COX6B2: variants seen among roughly 807,000 people sequenced by gnomAD.
COX6B2 encodes COX VIb-2.
Under a neutral mutation model 13.7 loss-of-function variants are expected in COX6B2, and 12 were observed. That is an observed-to-expected ratio of 0.87 (90% CI 0.56 to 1.41). COX6B2 has a LOEUF of 1.41. Among genes scored for constraint, COX6B2 ranks in the 40% most tolerant of loss-of-function variants. COX6B2 has a pLI of 0.00. For synonymous variants in COX6B2, 56 were observed against 46.6 expected, an observed-to-expected ratio of 1.20 and a Z score of -0.82; for missense variants, 130 against 118.3, an observed-to-expected ratio of 1.10 and a Z score of -0.46.
Position 55,353,655 on chromosome 19 carries a change from C to A in COX6B2, c.*66G>T. On this transcript the variant is annotated 3_prime_UTR_variant, in exon 4 of 5. Coordinates refer to ENST00000326529, the MANE Select transcript of COX6B2 (RefSeq NM_144613.5). ...GGAGGTAGGGGTGGATAACCGAGAC[C>A]CGGGGCTCCGCGAGACAAAAAGATG... 1.3e-6 allele frequency: 2 copies of A among 1,506,978 alleles called. No homozygotes were observed. Among genetic ancestry groups the A allele is most frequent in the East Asian group, 2.3e-5 (1 of 42,700 alleles). 93.4% of individuals were successfully genotyped at this position (1,506,978 alleles called of 1,614,324 possible). A position where few individuals can be genotyped will look rare whatever the true frequency, so the allele number is the denominator to read the frequency against.
intron 2 of COX6B2, 39 bp from the exon 3 acceptor site, chr19:55,354,005 TC>T (rs1287203279): frequency 4.7e-6 from 7 of 1,493,200 alleles, no homozygotes; most frequent in Non-Finnish European, 6.3e-6. Context: ...CCACGCCCAT[TC>T]CAGGACAGGA....
chr19:55,354,011 A>G (rs2089689679), intron 2 of COX6B2, 45 bp from the exon 3 acceptor site: 1 of 1,459,062 alleles, frequency 6.9e-7, no homozygotes, highest in Non-Finnish European at 9.1e-7. Context: ...CCATTCCAGG[A>G]CAGGACCCGC....
In COX6B2 at chr19:55,353,554, A is replaced by G. The variant is rs1443255675; in HGVS notation, c.*114+53T>C. Reference sequence around the variant, plus strand: ...AGGCACACGGAGGATCCCCACCACCACCACGACGCATCGCTGGCTGGGCAT... The same window carrying G: ...AGGCACACGGAGGATCCCCACCACCGCCACGACGCATCGCTGGCTGGGCAT... On this transcript the variant is annotated intron_variant, in intron 4 of 4. Transcript: ENST00000326529. 3 of 686,894 alleles carry G rather than the reference A, an allele frequency of 4.4e-6. No individual in the cohort carries two copies. In the African/African-American group the frequency reaches 5.4e-5, roughly 12 times the overall value. The allele number at this position is 686,894 out of a possible 1,614,324, so 42.5% of individuals were successfully genotyped here.
intron 2 of COX6B2, 95 bp downstream of exon 2, chr19:55,354,315 C>T: frequency 9.3e-7 from 1 of 1,071,096 alleles, no homozygotes; most frequent in Non-Finnish European, 1.4e-6. Flanking sequence ...GCCTCCCACC[C>T]TAACGGTCTC....
In COX6B2 at chr19:55,354,128, C is replaced by T. The variant is rs1432651682; in HGVS notation, c.113-162G>A. 7 of 676,146 alleles carry T rather than the reference C, an allele frequency of 1.0e-5. No individual in the cohort carries two copies. The East Asian group carries it at 1.4e-4, about 13-fold the overall frequency. 41.9% of individuals were successfully genotyped at this position (676,146 alleles called of 1,614,324 possible). A position where few individuals can be genotyped will look rare whatever the true frequency, so the allele number is the denominator to read the frequency against. ...CCAGCCAGGCCCCGACCCCTACCTC[C>T]CTCACACTGCTCCTCCTACCCAGAC... On this transcript the variant is annotated intron_variant, in intron 2 of 4. Coordinates refer to ENST00000326529, the MANE Select transcript of COX6B2 (RefSeq NM_144613.5).
At chr19:55,351,043 C>G (rs921941) in intron 4 of COX6B2, among the ~76,000 whole-genome samples, 2 of 152,156 alleles carry the variant, frequency 1.3e-5, no homozygotes, top group African/African-American at 2.4e-5. Context: ...GCTGTCTGTC[C>G]GGTCAATCAG....
Position 55,354,545 on chromosome 19 carries a change from A to AGACGG in COX6B2, c.-18-11_-18-7dup, listed in dbSNP as rs545714425. ...ATCCACGAAGGAGGCAACTCCTGCG[A>AGACGG]GACGGGACGGGACGGGGACTCCGTG... On this transcript the variant is annotated splice_polypyrimidine_tract_variant and splice_region_variant and intron_variant, in intron 1 of 4. Transcript: ENST00000326529. 1,900 of 1,551,304 alleles carry AGACGG rather than the reference A, an allele frequency of 1.2e-3. 19 individuals are homozygous for AGACGG. In the African/African-American group the frequency reaches 0.023, roughly 18 times the overall value.
In COX6B2 at chr19:55,352,060, AC is replaced by A. The variant is rs2089673484; in HGVS notation, c.*115-1261del. 1 of 152,272 alleles carries A rather than the reference AC, an allele frequency of 6.6e-6. No individual in the cohort carries two copies. Among genetic ancestry groups the A allele is most frequent in the South Asian group, 2.1e-4 (1 of 4,818 alleles). The allele number at this position is 152,272 out of a possible 1,614,324, so 9.4% of individuals were successfully genotyped here. On this transcript the variant is annotated intron_variant, in intron 4 of 4. Coordinates refer to ENST00000326529, the MANE Select transcript of COX6B2 (RefSeq NM_144613.5). This position sits in a 1 kb window ranked among gnomAD's most constrained non-coding sequence, Gnocchi z 6.2. ...GCTGCTGTGGCTGCACAGGTGTGGC[AC>A]CCTGTGCTTGGGATGTTACCTGGGT... is the stretch of plus-strand genomic sequence containing the variant.
Position 55,354,329 on chromosome 19 carries a change from G to A in COX6B2, c.112+81C>T, listed in dbSNP as rs553344492. ...GGCCTCCCACCCTAACGGTCTCCGC[G>A]GGACTTAGGGTGGGAGTGCCCCTCC... is the stretch of plus-strand genomic sequence containing the variant. On this transcript the variant is annotated intron_variant, in intron 2 of 4. Transcript: ENST00000326529. 8.8e-6 allele frequency: 9 copies of A among 1,017,442 alleles called. No individual in the cohort carries two copies. The African/African-American group carries it at 1.4e-4, about 16-fold the overall frequency. 63.0% of individuals were successfully genotyped at this position (1,017,442 alleles called of 1,614,324 possible).
In COX6B2 at chr19:55,353,635, T is replaced by G; in HGVS notation, c.*86A>C. Reference sequence around the variant, plus strand: ...TATTCGTGGCTTAGACACTGGGAGGTAGGGGTGGATAACCGAGACCCGGGG... The same window carrying G: ...TATTCGTGGCTTAGACACTGGGAGGGAGGGGTGGATAACCGAGACCCGGGG... On this transcript the variant is annotated 3_prime_UTR_variant, in exon 4 of 5. Transcript: ENST00000326529. 1.6e-6 allele frequency: 2 copies of G among 1,252,698 alleles called. No individual in the cohort carries two copies. The highest frequency in any genetic ancestry group is 2.3e-6 in the Non-Finnish European group (2 of 880,950). 77.6% of individuals were successfully genotyped at this position (1,252,698 alleles called of 1,614,324 possible).
chr19:55,354,464 C>G lies in COX6B2; in HGVS notation c.58G>C (p.Asp20His). The G allele has an allele frequency of 1.2e-6, 2 of 1,613,992 alleles. No homozygotes were observed. The highest frequency in any genetic ancestry group is 1.7e-5 in the Admixed American group (1 of 60,020). Reference protein sequence around the residue: ...PKGKWSTPPFDPRFPSQNQIR... With the variant: ...PKGKWSTPPFHPRFPSQNQIR... Reference sequence around the variant, plus strand: ...TGGTTCTGGCTGGGGAAGCGCGGGTCGAAGGGCGGCGTCGACCATTTCCCC... The same window carrying G: ...TGGTTCTGGCTGGGGAAGCGCGGGTGGAAGGGCGGCGTCGACCATTTCCCC... The change falls in exon 2 of 5, where the codon GAC becomes CAC. Residue 20 changes from aspartate to histidine, a missense_variant. Transcript: ENST00000326529.
intron 1 of COX6B2, 34 bp downstream of exon 1, chr19:55,354,616 C>A (rs2089696734): frequency 1.1e-6 from 1 of 896,130 alleles, no homozygotes; most frequent in Non-Finnish European, 1.8e-6. Context: ...CCATCCTGAC[C>A]CCCGCCCCTG....
At chr19:55,351,509 G>C (rs1337717135) in intron 4 of COX6B2, among the ~76,000 whole-genome samples, 3 of 152,168 alleles carry the variant, frequency 2.0e-5, no homozygotes, top group Admixed American at 1.3e-4. Context: ...GACGGAGCAG[G>C]TTCTGAGGGA....
rs368349487 is a variant in COX6B2, at chr19:55,353,887, G to A, written c.192C>T (p.His64=). ...TCACCCAGCTGATGGGGCACAGCGAGTGGTACACGCGGAAATAGTACTCGC... is the reference window on the plus strand; with the variant it reads ...TCACCCAGCTGATGGGGCACAGCGAATGGTACACGCGGAAATAGTACTCGC... ...QPCEYYFRVY[H]SLCPISWVES... is the part of the protein sequence containing the mutation. The change falls in exon 3 of 5, where the codon CAC becomes CAT. Residue 64 remains histidine (H), a synonymous_variant. Coordinates refer to ENST00000326529, the MANE Select transcript of COX6B2 (RefSeq NM_144613.5). 17 of 1,572,904 alleles carry A rather than the reference G, an allele frequency of 1.1e-5. 1 individual carries two copies. The African/African-American group carries it at 1.9e-4, about 17-fold the overall frequency.
chr19:55,353,861 C>G lies in COX6B2; in HGVS notation c.213+5G>C, dbSNP rs2089687229. The G allele has an allele frequency of 1.3e-6, 2 of 1,578,166 alleles. No homozygotes were observed. The highest frequency in any genetic ancestry group is 1.3e-5 in the African/African-American group (1 of 74,356). On this transcript the variant is annotated splice_donor_5th_base_variant and intron_variant, in intron 3 of 4. Coordinates refer to ENST00000326529, the MANE Select transcript of COX6B2 (RefSeq NM_144613.5). Reference sequence around the variant, plus strand: ...CCTGGCCCGGCGCCCCCTCTGCCGACTCACCCAGCTGATGGGGCACAGCGA... The same window carrying G: ...CCTGGCCCGGCGCCCCCTCTGCCGAGTCACCCAGCTGATGGGGCACAGCGA...
chr19:55,353,991 C>T, intron 2 of COX6B2, 25 bp from the exon 3 acceptor site: 1 of 1,527,442 alleles, frequency 6.5e-7, no homozygotes, highest in Non-Finnish European at 8.8e-7. Context: ...GGTCACGCGG[C>T]AAGCCACGCC....
rs2089673601 is a variant in COX6B2 at position 55,352,078 on chromosome 19, T to C, written c.*115-1278A>G. On this transcript the variant is annotated intron_variant, in intron 4 of 4. Transcript: ENST00000326529. This position sits in a 1 kb window ranked among gnomAD's most constrained non-coding sequence, Gnocchi z 6.2. Reference sequence around the variant, plus strand: ...GTGTGGCACCCTGTGCTTGGGATGTTACCTGGGTGACCTCACCAACTTAGC... The same window carrying C: ...GTGTGGCACCCTGTGCTTGGGATGTCACCTGGGTGACCTCACCAACTTAGC... 6.6e-6 allele frequency: 1 copy of C among 152,238 alleles called. No homozygotes were observed. Among genetic ancestry groups the C allele is most frequent in the Non-Finnish European group, 1.5e-5 (1 of 68,082 alleles). 9.4% of individuals were successfully genotyped at this position (152,238 alleles called of 1,614,324 possible).
At chr19:55,351,131 C>G (rs1301104381) in intron 4 of COX6B2, among the ~76,000 whole-genome samples, 2 of 152,202 alleles carry the variant, frequency 1.3e-5, no homozygotes, top group Admixed American at 6.5e-5. Context: ...GTCTCTATGG[C>G]TAGAGACCCC....
chr19:55,354,053 G>A, intron 2 of COX6B2, 87 bp from the exon 3 acceptor site: 1 of 1,220,224 alleles, frequency 8.2e-7, no homozygotes, highest in Non-Finnish European at 1.2e-6. Context: ...CCAGTTCTTC[G>A]CTGCTTCGTC....
Sources: allele counts gnomAD v4.1 joint callset (sites outside exome capture counted in the v4.1 genomes callset), GRCh38; gene constraint gnomAD v4.1.1; non-coding constraint Gnocchi (gnomAD v3.1); transcripts MANE v1.5; gene names NCBI Gene and HGNC (gene_info 2026-07-23, HGNC 2026-07-21).